Variants in NAV2 observed in about 807,000 individuals in gnomAD.
NAV2 encodes neuron navigator 2, also known as helicase, APC down-regulated 1.
Under a neutral mutation model 223.2 loss-of-function variants are expected in NAV2, and 54 were observed. That is an observed-to-expected ratio of 0.24 (90% CI 0.19 to 0.30). NAV2 has a LOEUF of 0.30. NAV2 is among the 10% of genes least tolerant of loss of function. The pLI is 1.00. For missense variants in NAV2, 2,806 were observed against 3,147.5 expected (o/e 0.89, Z 2.60); for synonymous variants, 1,279 against 1,239.3 (o/e 1.03, Z -0.67).
At chr11:19,934,728 T>G (rs1026865525) in intron 7 of NAV2, among the ~76,000 whole-genome samples, 3 of 152,296 alleles carry the variant, frequency 2.0e-5, no homozygotes, top group Middle Eastern at 6.8e-3. Context: ...ATAGCAGGGA[T>G]TGCCTTGAAC....
At chr11:19,956,524 G>T (rs779372600) in intron 10 of NAV2, among the ~76,000 whole-genome samples, 9 of 152,110 alleles carry the variant, frequency 5.9e-5, no homozygotes, top group Non-Finnish European at 1.3e-4. Context: ...TCAGAAATTT[G>T]CTAGAATGGC....
intron 1 of NAV2, among the ~76,000 whole-genome samples, chr11:19,421,411 T>C (rs1850608206): frequency 6.6e-6 from 1 of 152,200 alleles, no homozygotes; most frequent in Admixed American, 6.5e-5. Flanking sequence ...CACAGAGCAT[T>C]TCCTAACAGA....
At chr11:19,959,499 T>C (rs903586486) in intron 10 of NAV2, among the ~76,000 whole-genome samples, 1 of 152,136 alleles carries the variant, frequency 6.6e-6, no homozygotes, top group African/African-American at 2.4e-5. Context: ...CAAATGAGAA[T>C]AATAATGCCT....
At chr11:19,473,759 C>T (rs2042034544) in intron 1 of NAV2, among the ~76,000 whole-genome samples, 1 of 152,214 alleles carries the variant, frequency 6.6e-6, no homozygotes, top group African/African-American at 2.4e-5. Context: ...CTGCTGAGAG[C>T]ACTGATGACT....
chr11:19,663,294 G>T (rs1370024887), intron 1 of NAV2, among the ~76,000 whole-genome samples: 6 of 152,184 alleles, frequency 3.9e-5, no homozygotes, highest in African/African-American at 1.4e-4. Flanking sequence ...TTTATGGGGT[G>T]CTTATTATAT....
chr11:19,411,058 C>G (rs534715994), intron 1 of NAV2, among the ~76,000 whole-genome samples: 93 of 152,276 alleles, frequency 6.1e-4, no homozygotes, highest in Non-Finnish European at 1.1e-3. Flanking sequence ...GGCATTGGCA[C>G]AGCAATTGGC....
chr11:19,892,512 C>CCGA lies in NAV2; in HGVS notation c.852_854dup (p.Arg285dup). The stretch of plus-strand genomic sequence containing the variant: ...GCGGAGGGTCAACTACTGCTAACAA[C>CCGA]CGACGCAGCCAGAGCTTTAACAACT... On this transcript the variant is annotated inframe_insertion, in exon 6 of 38. Coordinates refer to ENST00000349880, the MANE Select transcript of NAV2 (RefSeq NM_145117.5). 1 of 1,614,234 alleles carries CCGA rather than the reference C, an allele frequency of 6.2e-7. No homozygotes were observed. The highest frequency in any genetic ancestry group is 8.5e-7 in the Non-Finnish European group (1 of 1,180,034).
chr11:19,630,110 ACT>A (rs1311679100), intron 1 of NAV2, among the ~76,000 whole-genome samples: 4 of 152,128 alleles, frequency 2.6e-5, no homozygotes, highest in African/African-American at 9.7e-5. Flanking sequence ...TGTTCCCCCA[ACT>A]CTGAGTCCCT....
chr11:19,585,739 T>G (rs1187648758), intron 1 of NAV2, among the ~76,000 whole-genome samples: 1 of 152,248 alleles, frequency 6.6e-6, no homozygotes, highest in African/African-American at 2.4e-5. Flanking sequence ...GAGTTTCTAC[T>G]AAGAGATCCG....
chr11:19,486,728 G>A (rs2042458072), intron 1 of NAV2, among the ~76,000 whole-genome samples: 1 of 152,148 alleles, frequency 6.6e-6, no homozygotes, highest in Non-Finnish European at 1.5e-5. Flanking sequence ...CTTTATAGCA[G>A]TGTGAGAATG....
At chr11:20,019,971 T>A in intron 11 of NAV2, among the ~76,000 whole-genome samples, 1 of 144,684 alleles carries the variant, frequency 6.9e-6, no homozygotes, top group Admixed American at 7.2e-5. Context: ...CTCAAAGGAG[T>A]GGAGGAGAAT....
chr11:19,706,640 G>A (rs945694504), intron 1 of NAV2, among the ~76,000 whole-genome samples: 2 of 152,196 alleles, frequency 1.3e-5, no homozygotes, highest in Admixed American at 1.3e-4. Context: ...AAACTTGAGA[G>A]CCGAGAGCAA....
At chr11:19,589,354 T>G (rs781619438) in intron 1 of NAV2, among the ~76,000 whole-genome samples, 5 of 152,208 alleles carry the variant, frequency 3.3e-5, no homozygotes, top group African/African-American at 9.6e-5. Flanking sequence ...TGCATGATTT[T>G]TAATCAAGGA....
chr11:19,994,451 A>G (rs982515741), intron 11 of NAV2, among the ~76,000 whole-genome samples: 7 of 152,066 alleles, frequency 4.6e-5, no homozygotes, highest in African/African-American at 1.7e-4. Context: ...GCAGGCTGAG[A>G]CAGGAGAATC....
intron 1 of NAV2, among the ~76,000 whole-genome samples, chr11:19,590,435 G>C (rs943223450): frequency 5.9e-5 from 9 of 152,066 alleles, no homozygotes; most frequent in Admixed American, 1.3e-4. Flanking sequence ...CTGCCTCCCA[G>C]CTCCCCGCAC....
chr11:19,849,166 G>A (rs72897925), intron 3 of NAV2, among the ~76,000 whole-genome samples: 1 of 152,316 alleles, frequency 6.6e-6, no homozygotes, highest in Non-Finnish European at 1.5e-5. Context: ...ATTTAAAAGG[G>A]TGCTCGTGGT....
chr11:19,859,454 G>T (rs990888104), intron 3 of NAV2, among the ~76,000 whole-genome samples: 1 of 147,514 alleles, frequency 6.8e-6, no homozygotes, highest in Non-Finnish European at 1.5e-5. Flanking sequence ...CACAGGGTTG[G>T]GGGTAAGGTC....
At chr11:19,372,899 C>A (rs1424656666) in intron 1 of NAV2, among the ~76,000 whole-genome samples, 1 of 152,152 alleles carries the variant, frequency 6.6e-6, no homozygotes, top group African/African-American at 2.4e-5. Context: ...TTCTTTTTAT[C>A]CAGATGGGAG....
chr11:19,931,291 A>T (rs2045310886), intron 6 of NAV2, among the ~76,000 whole-genome samples: 1 of 152,130 alleles, frequency 6.6e-6, no homozygotes, highest in African/African-American at 2.4e-5. Flanking sequence ...ACACCCCTTG[A>T]GTTTTGTTAG....
Sources: gnomAD v4.1 joint callset for allele counts (sites outside exome capture counted in the v4.1 genomes callset) on GRCh38, gnomAD v4.1.1 for gene constraint, MANE v1.5 for transcripts, NCBI Gene and HGNC (gene_info 2026-07-23, HGNC 2026-07-21) for gene names.